The following SGSM1 variants were observed in gnomAD, a reference collection of about 807,000 sequenced individuals.
The protein encoded by SGSM1 is RUN and TBC1 domain containing 2.
Under a neutral mutation model 133.8 loss-of-function variants are expected in SGSM1, and 73 were observed. The observed-to-expected ratio is 0.55, with a 90% CI of 0.45 to 0.66. The LOEUF (loss-of-function observed/expected upper bound fraction) is 0.66, where lower values mean the gene tolerates loss of function less well. Among genes scored for constraint, SGSM1 ranks in the 30% least tolerant of loss-of-function variants. The pLI, the probability that SGSM1 is intolerant of heterozygous loss-of-function variation, is 0.00. For missense variants in SGSM1, 1,213 were observed against 1,448.1 expected, an observed-to-expected ratio of 0.84 and a Z score of 2.64; for synonymous variants, 563 against 573.0, an observed-to-expected ratio of 0.98 and a Z score of 0.25.
intron 19 of SGSM1, among the ~76,000 whole-genome samples, chr22:24,900,869 T>C (rs1479417316): frequency 6.6e-6 from 1 of 152,190 alleles, no homozygotes; most frequent in African/African-American, 2.4e-5. Flanking sequence ...TCATATTTCT[T>C]GGGATATTAT....
Position 24,893,488 on chromosome 22 carries a change from G to A in SGSM1, c.1828G>A (p.Glu610Lys), listed in dbSNP as rs1460177094. Residue 610 changes from glutamate (E) to lysine (K), a missense_variant, in exon 17 of 25, where the codon GAG becomes AAG. Coordinates refer to ENST00000400358, the MANE Select transcript of SGSM1 (RefSeq NM_001098497.3). ...AQTMAEWLGC[E>K]AIVRQRERES... ...GACCATGGCTGAGTGGCTGGGCTGC[G>A]AGGCGATCGTGCGGCAGAGGGAGCG... 5.6e-6 allele frequency: 9 copies of A among 1,613,862 alleles called. No individual in the cohort carries two copies. Among genetic ancestry groups the A allele is most frequent in the Middle Eastern group, 1.7e-4 (1 of 6,058 alleles).
intron 12 of SGSM1, among the ~76,000 whole-genome samples, chr22:24,873,514 A>C (rs1022905857): frequency 6.6e-6 from 1 of 152,104 alleles, no homozygotes; most frequent in African/African-American, 2.4e-5. Flanking sequence ...TGGAGAGACA[A>C]GTGCCTATGA....
rs1212450467 is a variant in SGSM1, at chr22:24,868,962, C to A, written c.1291+107C>A. On this transcript the variant is annotated intron_variant, in intron 12 of 24. Transcript: ENST00000400358. The stretch of plus-strand genomic sequence containing the variant: ...TGACAGGTCTGGATTCTGGGGCTAA[C>A]AGGAGGATCTGGAAACAGAAAGTCG... 19 of 1,474,764 alleles carry A rather than the reference C, an allele frequency of 1.3e-5. No homozygotes were observed. The East Asian group carries it at 3.9e-4, about 30-fold the overall frequency. The allele number at this position is 1,474,764 out of a possible 1,614,324, so 91.4% of individuals were successfully genotyped here.
chr22:24,819,143 CA>C (rs56384293), intron 2 of SGSM1, among the ~76,000 whole-genome samples: 162 of 106,548 alleles, frequency 1.5e-3, no homozygotes, highest in Admixed American at 1.9e-3. Context: ...AAGACTCTGT[CA>C]AAAAAAAAAA....
chr22:24,806,860 G>C (rs1431128910), intron 2 of SGSM1, among the ~76,000 whole-genome samples: 1 of 152,070 alleles, frequency 6.6e-6, no homozygotes, highest in Non-Finnish European at 1.5e-5. Flanking sequence ...CCCCCACAGG[G>C]TGTGCTGGAG....
intron 2 of SGSM1, among the ~76,000 whole-genome samples, chr22:24,812,651 A>G (rs957382991): frequency 1.3e-5 from 2 of 152,188 alleles, no homozygotes; most frequent in Non-Finnish European, 2.9e-5. Context: ...ATGGGGAGCT[A>G]TAGAAGATTT....
intron 18 of SGSM1, 113 bp downstream of exon 18, chr22:24,895,404 C>T (rs1932892345): frequency 2.8e-6 from 3 of 1,066,004 alleles, no homozygotes; most frequent in Non-Finnish European, 4.2e-6. Flanking sequence ...TTTGTTTTAG[C>T]TTTTTATATT....
At chr22:24,856,419 A>G (rs1325098046) in intron 8 of SGSM1, among the ~76,000 whole-genome samples, 1 of 152,188 alleles carries the variant, frequency 6.6e-6, no homozygotes, top group Non-Finnish European at 1.5e-5. Context: ...AGCTGGTGCC[A>G]TAGTCAGTGC....
At chr22:24,911,378 G>A (rs1933615389) in intron 21 of SGSM1, among the ~76,000 whole-genome samples, 1 of 141,476 alleles carries the variant, frequency 7.1e-6, no homozygotes, top group Non-Finnish European at 1.5e-5. Flanking sequence ...TGCAATCTCC[G>A]CCTCCCAGGT....
intron 16 of SGSM1, among the ~76,000 whole-genome samples, chr22:24,889,214 C>A (rs1323840544): frequency 4.6e-5 from 7 of 152,026 alleles, no homozygotes; most frequent in African/African-American, 1.4e-4. Flanking sequence ...CCTGCCTTGG[C>A]CTCCCAAAGT....
intron 9 of SGSM1, among the ~76,000 whole-genome samples, chr22:24,860,470 A>G (rs1304504383): frequency 1.7e-4 from 26 of 152,182 alleles, no homozygotes; most frequent in Admixed American, 1.6e-3. Flanking sequence ...CTCCAAGTCC[A>G]CATCGAATCT....
chr22:24,806,279 C>T lies in SGSM1; in HGVS notation c.-47C>T, dbSNP rs949301993. ...CCGCGGCCGGAGGAGCTACCGCCGC[C>T]ACCGCCGCCACCGCCTCCTGGGACT... is the stretch of plus-strand genomic sequence containing the variant. On this transcript the variant is annotated 5_prime_UTR_variant, in exon 1 of 25. Coordinates refer to ENST00000400358, the MANE Select transcript of SGSM1 (RefSeq NM_001098497.3). 18 of 1,407,928 alleles carry T rather than the reference C, an allele frequency of 1.3e-5. No homozygotes were observed. The highest frequency in any genetic ancestry group is 3.0e-5 in the African/African-American group (2 of 66,266). The allele number at this position is 1,407,928 out of a possible 1,614,324, so 87.2% of individuals were successfully genotyped here.
chr22:24,887,859 G>GTT (rs1423958104), intron 16 of SGSM1, among the ~76,000 whole-genome samples: 2 of 152,196 alleles, frequency 1.3e-5, no homozygotes, highest in African/African-American at 2.4e-5. Flanking sequence ...CTTCACCAGA[G>GTT]TTTTGTCTTG....
At chr22:24,816,972 C>T (rs181549098) in intron 2 of SGSM1, among the ~76,000 whole-genome samples, 11 of 152,116 alleles carry the variant, frequency 7.2e-5, no homozygotes, top group African/African-American at 2.4e-4. Context: ...TCTTTTGTGC[C>T]AGTCACAGTG....
At chr22:24,807,204 C>CGGTT (rs1480392869) in intron 2 of SGSM1, among the ~76,000 whole-genome samples, 2 of 152,116 alleles carry the variant, frequency 1.3e-5, no homozygotes, top group Non-Finnish European at 2.9e-5. Flanking sequence ...TCCCAGAACC[C>CGGTT]CATAGACAGA....
At chr22:24,883,071 A>T (rs988989209) in intron 14 of SGSM1, among the ~76,000 whole-genome samples, 2 of 139,136 alleles carry the variant, frequency 1.4e-5, no homozygotes, top group Non-Finnish European at 3.2e-5. Flanking sequence ...ATTTTTTTGT[A>T]TTTTTTTTTT....
chr22:24,877,766 T>C (rs966720363), intron 13 of SGSM1, among the ~76,000 whole-genome samples: 2 of 151,736 alleles, frequency 1.3e-5, no homozygotes, highest in Admixed American at 1.3e-4. Flanking sequence ...ACTTTAAAGT[T>C]TGAGAAGTGC....
At chr22:24,818,657 G>A (rs555606527) in intron 2 of SGSM1, among the ~76,000 whole-genome samples, 8 of 151,758 alleles carry the variant, frequency 5.3e-5, no homozygotes, top group South Asian at 2.1e-4. Context: ...GTGAGCCACC[G>A]TGCCCAGGCG....
intron 2 of SGSM1, among the ~76,000 whole-genome samples, chr22:24,816,735 G>A (rs11704456): frequency 0.28 from 43,164 of 152,030 alleles, 6,775 homozygotes; most frequent in East Asian, 0.59. Flanking sequence ...ATCCAGGGGC[G>A]CCAATGATGT....
Sources: gnomAD v4.1 joint callset for allele counts (sites outside exome capture counted in the v4.1 genomes callset) on GRCh38, gnomAD v4.1.1 for gene constraint, MANE v1.5 for transcripts, NCBI Gene and HGNC (gene_info 2026-07-23, HGNC 2026-07-21) for gene names.